DSP: variants seen among roughly 807,000 people sequenced by gnomAD.
The protein encoded by DSP is 250/210 kDa paraneoplastic pemphigus antigen.
DSP carries 114 observed loss-of-function variants against 290.6 expected under a neutral mutation model. That is an observed-to-expected ratio of 0.39 (90% CI 0.34 to 0.46). The LOEUF is 0.46. DSP is among the 20% of genes least tolerant of loss of function. DSP has a pLI of 0.99. For synonymous variants in DSP, 1,311 were observed against 1,316.4 expected (o/e 1.00, Z 0.09); for missense variants, 3,230 against 3,495.8 (o/e 0.92, Z 1.92).
In DSP at chr6:7,574,794, A is replaced by T. The variant is rs1268969488; in HGVS notation, c.2435A>T (p.Lys812Met). The T allele has an allele frequency of 1.2e-6, 2 of 1,614,188 alleles. No individual in the cohort carries two copies. Among genetic ancestry groups the T allele is most frequent in the Non-Finnish European group, 1.7e-6 (2 of 1,180,026 alleles). The change falls in exon 17 of 24, where the codon AAG (lysine) becomes ATG (methionine). Residue 812 changes from lysine to methionine, a missense_variant and splice_region_variant. Coordinates refer to ENST00000379802, the MANE Select transcript of DSP (RefSeq NM_004415.4). ...DKVEAYRCGLKKIKNDLNLKK... is the reference protein window; with the variant it reads ...DKVEAYRCGLMKIKNDLNLKK... Reference sequence around the variant, plus strand: ...GTGGAAGCTTACCGCTGTGGACTGAAGGTAACTTGAAAGCTTATAACAGTG... The same window carrying T: ...GTGGAAGCTTACCGCTGTGGACTGATGGTAACTTGAAAGCTTATAACAGTG...
In DSP at chr6:7,558,369, A is replaced by G. The variant is rs1561680881; in HGVS notation, c.422+105A>G. The G allele has an allele frequency of 3.4e-6, 5 of 1,483,308 alleles. No individual in the cohort carries two copies. The Admixed American group carries it at 5.9e-5, about 17-fold the overall frequency. The allele number at this position is 1,483,308 out of a possible 1,614,324, so 91.9% of individuals were successfully genotyped here. ...CAGGGCTTCCTTTGAAGGCAGCACAAATGTTCCCAAGGAAAGGTTTGCTTA... is the reference window on the plus strand; with the variant it reads ...CAGGGCTTCCTTTGAAGGCAGCACAGATGTTCCCAAGGAAAGGTTTGCTTA... On this transcript the variant is annotated intron_variant, in intron 3 of 23. Transcript: ENST00000379802.
In DSP at chr6:7,583,006, G is replaced by GT. The variant is rs1060500607; in HGVS notation, c.5745dup (p.Lys1916Ter). On this transcript the variant is annotated frameshift_variant, in exon 24 of 24. Coordinates refer to ENST00000379802, the MANE Select transcript of DSP (RefSeq NM_004415.4). LOFTEE classifies it high-confidence loss of function. This position sits in a 1 kb window ranked among gnomAD's most constrained non-coding sequence, Gnocchi z 4.0. ...AAGAGAATTGAAGAGAGGTGCAGGC[G>GT]TAAGCTGGAGGATTCTACCAGGGAG... 1 of 1,614,070 alleles carries GT rather than the reference G, an allele frequency of 6.2e-7. No individual in the cohort carries two copies. Among genetic ancestry groups the GT allele is most frequent in the Admixed American group, 1.7e-5 (1 of 60,008 alleles).
rs1394836623 is a variant in DSP, at chr6:7,581,510, CAG to C, written c.5329_5330del (p.Arg1777GlyfsTer8). The C allele has an allele frequency of 1.9e-6, 3 of 1,613,916 alleles. No individual in the cohort carries two copies. The highest frequency in any genetic ancestry group is 2.7e-5 in the African/African-American group (2 of 74,892). ...ACTGCAGGGGCTGATTAATGATTTA[CAG>C]AGAGAGAGGGAAAATTTGAGACAGG... ...LELQGLINDL[Q>X]RERENLRQEI... On this transcript the variant is annotated frameshift_variant, in exon 23 of 24. Coordinates refer to ENST00000379802, the MANE Select transcript of DSP (RefSeq NM_004415.4). LOFTEE classifies it high-confidence loss of function.
chr6:7,563,313 CT>C (rs70978990), intron 5 of DSP, among the ~76,000 whole-genome samples: 5,873 of 138,896 alleles, frequency 0.042, 328 homozygotes, highest in African/African-American at 0.14. Context: ...AATCACTAAA[CT>C]TTTTTTTTTT....
chr6:7,563,713 A>G (rs745883736), intron 5 of DSP, 23 bp from the exon 6 acceptor site: 2 of 1,604,662 alleles, frequency 1.2e-6, no homozygotes, highest in Non-Finnish European at 8.5e-7. Context: ...ATTTATATCT[A>G]CCTGCTTTTT....
At chr6:7,553,173 T>C (rs1234441871) in intron 1 of DSP, among the ~76,000 whole-genome samples, 1 of 152,234 alleles carries the variant, frequency 6.6e-6, no homozygotes, top group Non-Finnish European at 1.5e-5. Flanking sequence ...TTATGCTGTG[T>C]TGCCCAGGCT....
intron 9 of DSP, 26 bp downstream of exon 9, chr6:7,567,475 T>C: frequency 6.3e-7 from 1 of 1,590,162 alleles, no homozygotes; most frequent in Non-Finnish European, 8.6e-7. Flanking sequence ...GATAATTTTG[T>C]TGTTATTTAG....
In DSP at chr6:7,566,387, G is replaced by A; in HGVS notation, c.950G>A (p.Ser317Asn). Reference sequence around the variant, plus strand: ...TTTCTTCATTCACAGATACGCATGAGTCAACTGGAAGTTAAAGAAAAAGAG... The same window carrying A: ...TTTCTTCATTCACAGATACGCATGAATCAACTGGAAGTTAAAGAAAAAGAG... ...QKQEAFSIRM[S>N]QLEVKEKELN... Residue 317 changes from serine to asparagine, a missense_variant, in exon 8 of 24, where the codon AGT becomes AAT. Physicochemically the swap from Ser to Asn is conservative, Grantham distance 46. This residue lies in a region of DSP where 646 missense variants were observed against 684.3 expected (regional missense o/e 0.94). Transcript: ENST00000379802. The A allele has an allele frequency of 3.7e-6, 6 of 1,613,364 alleles. No individual in the cohort carries two copies. The highest frequency in any genetic ancestry group is 5.1e-6 in the Non-Finnish European group (6 of 1,179,824).
Position 7,582,166 on chromosome 6 carries a change from G to GTA in DSP, c.5380-472_5380-471dup, listed in dbSNP as rs377100018. On this transcript the variant is annotated intron_variant, in intron 23 of 23. Transcript: ENST00000379802. This position sits in a 1 kb window ranked among gnomAD's most constrained non-coding sequence, Gnocchi z 4.2. ...TGTGTGTGTGTGTGTGTGTGTGTGT[G>GTA]TATATCTATATATTATATATATAAT... Among the ~76,000 whole-genome samples the GTA allele has an allele frequency of 3.1e-4, 45 of 145,858 alleles. No homozygotes were observed. The highest frequency in any genetic ancestry group is 7.5e-4 in the African/African-American group (30 of 40,170).
chr6:7,563,558 T>G, intron 5 of DSP, among the ~76,000 whole-genome samples, 178 bp from the exon 6 acceptor site: 1 of 152,164 alleles, frequency 6.6e-6, no homozygotes, highest in Non-Finnish European at 1.5e-5. Flanking sequence ...AAGGGTTTGC[T>G]TTCCAACCGC....
intron 3 of DSP, 112 bp downstream of exon 3, chr6:7,558,376 C>T: frequency 6.8e-7 from 1 of 1,464,814 alleles, no homozygotes; most frequent in South Asian, 1.2e-5. Context: ...ACAAATGTTC[C>T]CAAGGAAAGG....
Position 7,582,995 on chromosome 6 carries a change from G to C in DSP, c.5733G>C (p.Glu1911Asp). Residue 1911 changes from glutamate (E) to aspartate (D), a missense_variant, in exon 24 of 24, where the codon GAG (glutamate) becomes GAC (aspartate). Physicochemically the swap from Glu to Asp is conservative, Grantham distance 45 (BLOSUM62 2). This residue lies in a region of DSP where 1,714 missense variants were observed against 1,844.5 expected (regional missense o/e 0.93). Transcript: ENST00000379802. This position sits in a 1 kb window ranked among gnomAD's most constrained non-coding sequence, Gnocchi z 4.2. ...AAGCAGAGATCAAGAGAATTGAAGA[G>C]AGGTGCAGGCGTAAGCTGGAGGATT... is the stretch of plus-strand genomic sequence containing the variant. ...RLQAEIKRIEERCRRKLEDST... is the reference protein window; with the variant it reads ...RLQAEIKRIEDRCRRKLEDST... 1 of 1,614,112 alleles carries C rather than the reference G, an allele frequency of 6.2e-7. No homozygotes were observed. Among genetic ancestry groups the C allele is most frequent in the Non-Finnish European group, 8.5e-7 (1 of 1,180,036 alleles).
Position 7,579,750 on chromosome 6 carries a change from A to T in DSP, c.3560A>T (p.Glu1187Val). Residue 1187 changes from glutamate to valine, a missense_variant, in exon 23 of 24, where the codon GAA becomes GTA. Coordinates refer to ENST00000379802, the MANE Select transcript of DSP (RefSeq NM_004415.4). The surrounding 1 kb of genome is among the most constrained non-coding windows in gnomAD (Gnocchi z 4.1). ...CAGGAAGAAGGCACCCGGAAGAGAG[A>T]ATATGAAAATGAGCTGGCAAAGGTA... ...LLQEEGTRKR[E>V]YENELAKVRN... 6.2e-7 allele frequency: 1 copy of T among 1,613,828 alleles called. No individual in the cohort carries two copies. Among genetic ancestry groups the T allele is most frequent in the Non-Finnish European group, 8.5e-7 (1 of 1,179,850 alleles).
chr6:7,545,355 A>G (rs973988889), intron 1 of DSP, among the ~76,000 whole-genome samples: 2 of 152,204 alleles, frequency 1.3e-5, no homozygotes, highest in Non-Finnish European at 2.9e-5. Context: ...GAAACCCCAC[A>G]CGCACACTTC....
rs145933612 is a variant in DSP, at chr6:7,576,436, C to A, written c.2773C>A (p.Arg925=). ...ATTTGGAGATTCCAACACAGTCATG[C>A]GGTTTTTGAATGAGCAGAAGGTATA... is the stretch of plus-strand genomic sequence containing the variant. ...MKFGDSNTVM[R]FLNEQKNLHS... Residue 925 remains arginine (R), a synonymous_variant, in exon 19 of 24, where the codon CGG becomes AGG. Coordinates refer to ENST00000379802, the MANE Select transcript of DSP (RefSeq NM_004415.4). 1.2e-6 allele frequency: 2 copies of A among 1,614,028 alleles called. No individual in the cohort carries two copies.
chr6:7,567,462 A>G lies in DSP; in HGVS notation c.1140+13A>G, dbSNP rs1031143231. The G allele has an allele frequency of 6.2e-7, 1 of 1,607,668 alleles. No homozygotes were observed. The highest frequency in any genetic ancestry group is 2.2e-5 in the East Asian group (1 of 44,850). ...TGCCTACTTTCAGGTTTTTATATTT[A>G]GTGATAATTTTGTTGTTATTTAGGT... On this transcript the variant is annotated intron_variant, in intron 9 of 23. Coordinates refer to ENST00000379802, the MANE Select transcript of DSP (RefSeq NM_004415.4).
intron 1 of DSP, among the ~76,000 whole-genome samples, chr6:7,553,698 C>T (rs545304225): frequency 5.3e-5 from 8 of 152,296 alleles, no homozygotes; most frequent in African/African-American, 1.9e-4. Context: ...AAACGGACCT[C>T]ATTTCCTGTA....
chr6:7,571,627 C>T, intron 14 of DSP, 43 bp downstream of exon 14: 2 of 1,610,982 alleles, frequency 1.2e-6, no homozygotes, highest in Non-Finnish European at 1.7e-6. Flanking sequence ...CCATCCATAC[C>T]ATTTTAAAAA....
chr6:7,558,135 G>T lies in DSP; in HGVS notation c.293G>T (p.Gly98Val). 6.2e-7 allele frequency: 1 copy of T among 1,614,204 alleles called. No homozygotes were observed. Among genetic ancestry groups the T allele is most frequent in the South Asian group, 1.1e-5 (1 of 91,086 alleles). The change falls in exon 3 of 24, where the codon GGA (glycine) becomes GTA (valine). Residue 98 changes from glycine (G) to valine (V), a missense_variant. Coordinates refer to ENST00000379802, the MANE Select transcript of DSP (RefSeq NM_004415.4). Reference sequence around the variant, plus strand: ...TTTCAGGAATTGAAGTATGGAGATGGAATACAACTGACTCGGAGTCGAGAA... The same window carrying T: ...TTTCAGGAATTGAAGTATGGAGATGTAATACAACTGACTCGGAGTCGAGAA... ...IVQPELKYGD[G>V]IQLTRSRELD...
Sources: gnomAD v4.1 joint callset for allele counts (sites outside exome capture counted in the v4.1 genomes callset) on GRCh38, gnomAD v4.1.1 for gene constraint, gnomAD v4.1.1 regional missense constraint, Gnocchi (gnomAD v3.1) non-coding constraint, MANE v1.5 for transcripts, NCBI Gene and HGNC (gene_info 2026-07-23, HGNC 2026-07-21) for gene names.